The following TIGD4 variants were observed in gnomAD, a reference collection of about 807,000 sequenced individuals.
TIGD4 encodes the protein tigger transposable element derived 4.
A neutral mutation model predicts 24.9 loss-of-function variants in TIGD4; 20 were observed. That is an observed-to-expected ratio of 0.80 (90% CI 0.56 to 1.17). TIGD4 has a LOEUF of 1.17. Among genes scored for constraint, TIGD4 ranks in the 50% most tolerant of loss-of-function variants. The pLI, the probability that TIGD4 is intolerant of heterozygous loss-of-function variation, is 0.00. For missense variants in TIGD4, 566 were observed against 591.0 expected (o/e 0.96, Z 0.44); for synonymous variants, 193 against 211.0 (o/e 0.91, Z 0.74).
Position 152,770,661 on chromosome 4 carries a change from T to A in TIGD4, c.344A>T (p.Asn115Ile). ...ATGGCCCAGTTTCTGGGCAAAATCA[T>A]TAGCTTTTAGACGTAACATCGGACC... ...VNGPMLRLKANDFAQKLGHND... is the reference protein window; with the variant it reads ...VNGPMLRLKAIDFAQKLGHND... The change falls in exon 2 of 2, where the codon AAT becomes ATT. Residue 115 changes from asparagine (N) to isoleucine (I), a missense_variant. Asn to Ile is a moderately radical substitution (Grantham distance 149). Coordinates refer to ENST00000304337, the MANE Select transcript of TIGD4 (RefSeq NM_145720.4). The A allele has an allele frequency of 3.7e-6, 6 of 1,605,034 alleles. No individual in the cohort carries two copies. The highest frequency in any genetic ancestry group is 5.1e-6 in the Non-Finnish European group (6 of 1,177,444).
At chr4:152,775,772 T>G (rs979462252) in intron 1 of TIGD4, among the ~76,000 whole-genome samples, 9 of 152,330 alleles carry the variant, frequency 5.9e-5, no homozygotes, top group Middle Eastern at 3.4e-3. Flanking sequence ...CCCTTTTGAT[T>G]AATTCAGAGT....
intron 1 of TIGD4, among the ~76,000 whole-genome samples, chr4:152,776,524 A>C (rs1578776378): frequency 6.6e-6 from 1 of 152,280 alleles, no homozygotes. Context: ...CTCTCCTTTC[A>C]TCAGTAGTTT....
At chr4:152,772,302 G>A (rs1730190876) in intron 1 of TIGD4, among the ~76,000 whole-genome samples, 1 of 151,970 alleles carries the variant, frequency 6.6e-6, no homozygotes, top group Admixed American at 6.6e-5. Flanking sequence ...AGGAAGGATA[G>A]TGACCACAAG....
At chr4:152,771,677 T>G (rs1316596986) in intron 1 of TIGD4, 135 bp from the exon 2 acceptor site, 1 of 152,190 alleles carries the variant, frequency 6.6e-6, no homozygotes, top group Non-Finnish European at 1.5e-5. Flanking sequence ...ACAATAAAGT[T>G]TCCAAGAGAA....
chr4:152,771,705 G>C (rs764921505), intron 1 of TIGD4, among the ~76,000 whole-genome samples, 163 bp from the exon 2 acceptor site: 24 of 152,070 alleles, frequency 1.6e-4, no homozygotes, highest in Non-Finnish European at 2.6e-4. Flanking sequence ...CCTCCCAAAG[G>C]CCTCTCTGTA....
At position 152,771,137 on chromosome 4, in the gene TIGD4, T is replaced by C; in HGVS notation, c.-133A>G. On this transcript the variant is annotated 5_prime_UTR_variant, in exon 2 of 2. Transcript: ENST00000304337. ...TTATACACTAAAAGTTGGTGTCTAA[T>C]AGTCTTATTTTGTAGGAACTTGATG... The C allele has an allele frequency of 5.5e-6, 6 of 1,099,946 alleles. No individual in the cohort carries two copies. Among genetic ancestry groups the C allele is most frequent in the Non-Finnish European group, 7.3e-6 (6 of 818,928 alleles). 68.1% of individuals were successfully genotyped at this position (1,099,946 alleles called of 1,614,324 possible). A position where few individuals can be genotyped will look rare whatever the true frequency, so the allele number is the denominator to read the frequency against.
intron 1 of TIGD4, among the ~76,000 whole-genome samples, chr4:152,774,780 C>T (rs796900662): frequency 9.9e-5 from 15 of 152,176 alleles, no homozygotes; most frequent in African/African-American, 2.6e-4. Flanking sequence ...CAGTATCTAG[C>T]GTTTGCTGGG....
chr4:152,774,057 T>A (rs2149806531), intron 1 of TIGD4, among the ~76,000 whole-genome samples: 1 of 151,036 alleles, frequency 6.6e-6, no homozygotes, highest in South Asian at 2.1e-4. Flanking sequence ...CCTCTCCCAA[T>A]CCCTCCCTCT....
intron 1 of TIGD4, among the ~76,000 whole-genome samples, chr4:152,773,968 C>T (rs184649326): frequency 6.6e-6 from 1 of 151,920 alleles, no homozygotes. Context: ...CTATGAGAAT[C>T]TCTCAACTTC....
intron 1 of TIGD4, among the ~76,000 whole-genome samples, chr4:152,772,028 C>T (rs1307288814): frequency 6.6e-6 from 1 of 152,118 alleles, no homozygotes; most frequent in African/African-American, 2.4e-5. Flanking sequence ...CCTAAAAAAT[C>T]AAGTGACAAT....
chr4:152,772,298 G>C (rs1435503997), intron 1 of TIGD4, among the ~76,000 whole-genome samples: 1 of 151,998 alleles, frequency 6.6e-6, no homozygotes, highest in Non-Finnish European at 1.5e-5. Flanking sequence ...GAACAGGAAG[G>C]ATAGTGACCA....
chr4:152,769,380 A>T lies in TIGD4; in HGVS notation c.*86T>A. 2.1e-6 allele frequency: 2 copies of T among 930,802 alleles called. No individual in the cohort carries two copies. Among genetic ancestry groups the T allele is most frequent in the Non-Finnish European group, 3.0e-6 (2 of 676,330 alleles). The allele number at this position is 930,802 out of a possible 1,614,324, so 57.7% of individuals were successfully genotyped here. ...TAGCAGTTTTCCATTTTTTATGTTTAAGTGGTGTGGTACAACTCCTTTACA... is the reference window on the plus strand; with the variant it reads ...TAGCAGTTTTCCATTTTTTATGTTTTAGTGGTGTGGTACAACTCCTTTACA... On this transcript the variant is annotated 3_prime_UTR_variant, in exon 2 of 2. Coordinates refer to ENST00000304337, the MANE Select transcript of TIGD4 (RefSeq NM_145720.4).
rs1730169178 is a variant in TIGD4 at position 152,771,362 on chromosome 4, A to C, written c.-358T>G. The C allele has an allele frequency of 5.6e-6, 1 of 178,154 alleles. No individual in the cohort carries two copies. The highest frequency in any genetic ancestry group is 1.3e-5 in the Non-Finnish European group (1 of 76,066). The allele number at this position is 178,154 out of a possible 1,614,324, so 11.0% of individuals were successfully genotyped here. A position where few individuals can be genotyped will look rare whatever the true frequency, so the allele number is the denominator to read the frequency against. ...TGTATTTTTGGAACTTCAATCCTTT[A>C]AGATGATCCATTTTATCCATGCACA... On this transcript the variant is annotated 5_prime_UTR_variant, in exon 2 of 2. An upstream open reading frame in the 5' UTR gains an earlier in-frame stop. Coordinates refer to ENST00000304337, the MANE Select transcript of TIGD4 (RefSeq NM_145720.4).
At chr4:152,775,483 C>T (rs6850467) in intron 1 of TIGD4, among the ~76,000 whole-genome samples, 60,993 of 151,866 alleles carry the variant, frequency 0.4, 12,528 homozygotes, top group South Asian at 0.54. Flanking sequence ...TGCTTCCAGG[C>T]GCAATCAGAT....
rs1391675924 is a variant in TIGD4, at chr4:152,770,457, T to C, written c.548A>G (p.Lys183Arg). 6.2e-7 allele frequency: 1 copy of C among 1,608,202 alleles called. No homozygotes were observed. Among genetic ancestry groups the C allele is most frequent in the Admixed American group, 1.7e-5 (1 of 58,502 alleles). ...CATTCGATAAAGCAGCCCAGTCTCT[T>C]TTATATTAAAAACATTTTTAGGATG... ...DYHPKNVFNIKETGLLYRMLP... is the reference protein window; with the variant it reads ...DYHPKNVFNIRETGLLYRMLP... Residue 183 changes from lysine to arginine, a missense_variant, in exon 2 of 2, where the codon AAA becomes AGA. Physicochemically the swap from Lys to Arg is conservative, Grantham distance 26. Coordinates refer to ENST00000304337, the MANE Select transcript of TIGD4 (RefSeq NM_145720.4).
At chr4:152,775,264 T>C (rs1730242572) in intron 1 of TIGD4, among the ~76,000 whole-genome samples, 1 of 152,160 alleles carries the variant, frequency 6.6e-6, no homozygotes, top group Admixed American at 6.5e-5. Flanking sequence ...TAAAAATAAT[T>C]TCTTACAAAT....
At chr4:152,777,532 G>A (rs1730278804) in intron 1 of TIGD4, among the ~76,000 whole-genome samples, 1 of 143,956 alleles carries the variant, frequency 6.9e-6, no homozygotes. Flanking sequence ...GAGGGAGGGA[G>A]GAAGGAAGGA....
At chr4:152,774,521 A>T (rs948475126) in intron 1 of TIGD4, among the ~76,000 whole-genome samples, 1 of 152,236 alleles carries the variant, frequency 6.6e-6, no homozygotes, top group Admixed American at 6.5e-5. Context: ...CAGAATAGTC[A>T]TCCTTTCAAG....
Position 152,770,061 on chromosome 4 carries a change from C to G in TIGD4, c.944G>C (p.Cys315Ser). The G allele has an allele frequency of 6.2e-7, 1 of 1,613,866 alleles. No homozygotes were observed. Among genetic ancestry groups the G allele is most frequent in the East Asian group, 2.2e-5 (1 of 44,886 alleles). Residue 315 changes from cysteine to serine, a missense_variant, in exon 2 of 2, where the codon TGT (cysteine) becomes TCT (serine). By Grantham distance (112) the Cys-to-Ser change is moderately radical (BLOSUM62 -1). Transcript: ENST00000304337. ...AATAACACCTTGTTTCATAGCTATA[C>G]ATTTGGAAGATAAACATGATGGAAA... is the stretch of plus-strand genomic sequence containing the variant. ...AFFPSCLSSK[C>S]IAMKQGVIKS...
Sources: gnomAD v4.1 joint callset for allele counts (sites outside exome capture counted in the v4.1 genomes callset) on GRCh38, gnomAD v4.1.1 for gene constraint, MANE v1.5 for transcripts, NCBI Gene and HGNC (gene_info 2026-07-23, HGNC 2026-07-21) for gene names.